Variants in FMO4 observed in about 807,000 individuals in gnomAD.
FMO4 encodes the protein flavin containing dimethylaniline monoxygenase 4, also known as dimethylaniline monooxygenase [N-oxide-forming] 4.
A neutral mutation model predicts 43.3 loss-of-function variants in FMO4; 38 were observed. That is an observed-to-expected ratio of 0.88 (90% confidence interval 0.68 to 1.15). The LOEUF is 1.15. Among genes scored for constraint, FMO4 ranks in the 50% most tolerant of loss-of-function variants. The pLI, the probability that FMO4 is intolerant of heterozygous loss-of-function variation, is 0.00. For missense variants in FMO4, 631 were observed against 663.3 expected (o/e 0.95, Z 0.54); for synonymous variants, 224 against 232.2 (o/e 0.96, Z 0.32).
At chr1:171,322,914 C>T (rs1008236115) in intron 3 of FMO4, 90 bp from the exon 4 acceptor site, 19 of 884,186 alleles carry the variant, frequency 2.1e-5, no homozygotes, top group South Asian at 1.9e-4. Context: ...TATAACCCGC[C>T]CTCAGTGAGG....
intron 6 of FMO4, 73 bp from the exon 7 acceptor site, chr1:171,332,636 G>A: frequency 7.8e-7 from 1 of 1,282,592 alleles, no homozygotes; most frequent in Admixed American, 1.8e-5. Flanking sequence ...AAGATCATTT[G>A]AAACACACTG....
At position 171,341,651 on chromosome 1, in the gene FMO4, T is replaced by G; in HGVS notation, c.1489T>G (p.Leu497Val). 1.2e-6 allele frequency: 2 copies of G among 1,613,904 alleles called. No homozygotes were observed. The highest frequency in any genetic ancestry group is 1.7e-6 in the Non-Finnish European group (2 of 1,179,968). Residue 497 changes from leucine (L) to valine (V), a missense_variant, in exon 10 of 10, where the codon TTA (leucine) becomes GTA (valine). By Grantham distance (32) the Leu-to-Val change is conservative. Coordinates refer to ENST00000367749, the MANE Select transcript of FMO4 (RefSeq NM_002022.3). ...CCAGTGGGACAGAACATTGAAACCT[T>G]TAAAAACTCGAATTGTCCCTGATTC... ...LTQWDRTLKP[L>V]KTRIVPDSSK... is the part of the protein sequence containing the mutation.
chr1:171,341,255 T>C (rs1663358585), intron 9 of FMO4, among the ~76,000 whole-genome samples, 158 bp from the exon 10 acceptor site: 1 of 152,222 alleles, frequency 6.6e-6, no homozygotes, highest in Non-Finnish European at 1.5e-5. Flanking sequence ...TAAACTCCTT[T>C]AATTTCTTTC....
In FMO4 at chr1:171,334,753, A is replaced by T; in HGVS notation, c.1170A>T (p.Arg390Ser). 1.3e-6 allele frequency: 2 copies of T among 1,556,646 alleles called. No individual in the cohort carries two copies. The highest frequency in any genetic ancestry group is 1.7e-6 in the Non-Finnish European group (2 of 1,155,524). The part of the protein sequence containing the change: ...GTELQARWVT[R>S]VFKGLCKIPP... The stretch of plus-strand genomic sequence containing the variant: ...AGCTCCAAGCACGATGGGTCACAAG[A>T]GTATTCAAAGGTACCATGACTCTAC... The change falls in exon 8 of 10, where the codon AGA becomes AGT. Residue 390 changes from arginine (R) to serine (S), a missense_variant. By Grantham distance (110) the Arg-to-Ser change is moderately radical. Transcript: ENST00000367749.
chr1:171,332,796 T>A lies in FMO4; in HGVS notation c.715T>A (p.Cys239Ser). Residue 239 changes from cysteine to serine, a missense_variant, in exon 7 of 10, where the codon TGC (cysteine) becomes AGC (serine). Transcript: ENST00000367749. ...YPYNMMVTRR[C>S]CSFIAQVLPS... is the part of the protein sequence containing the mutation. ...TTATAATATGATGGTTACAAGAAGA[T>A]GCTGTAGTTTTATTGCACAAGTTCT... The A allele has an allele frequency of 1.2e-6, 2 of 1,613,514 alleles. No individual in the cohort carries two copies. Among genetic ancestry groups the A allele is most frequent in the Non-Finnish European group, 1.7e-6 (2 of 1,179,528 alleles).
intron 1 of FMO4, among the ~76,000 whole-genome samples, chr1:171,315,379 G>C (rs138857041): frequency 1.3e-3 from 196 of 151,838 alleles, no homozygotes; most frequent in African/African-American, 3.9e-3. Context: ...TTGCACACAC[G>C]TTCTCCCAAT....
intron 9 of FMO4, among the ~76,000 whole-genome samples, chr1:171,340,387 T>C (rs1449573069): frequency 6.6e-6 from 1 of 152,170 alleles, no homozygotes; most frequent in African/African-American, 2.4e-5. Context: ...AATAAATTCC[T>C]AAACTCCCTC....
chr1:171,319,792 A>C (rs752805690), intron 2 of FMO4, 26 bp from the exon 3 acceptor site: 2 of 1,609,272 alleles, frequency 1.2e-6, no homozygotes, highest in Non-Finnish European at 1.7e-6. Context: ...TAAATAAAGA[A>C]GTTCTGCTTG....
chr1:171,334,369 T>C, intron 7 of FMO4, 42 bp from the exon 8 acceptor site: 1 of 1,275,268 alleles, frequency 7.8e-7, no homozygotes, highest in Non-Finnish European at 1.1e-6. Flanking sequence ...AAGTTTCTCA[T>C]AAAAATAACT....
At chr1:171,317,859 A>G (rs915573743) in intron 2 of FMO4, among the ~76,000 whole-genome samples, 1 of 152,194 alleles carries the variant, frequency 6.6e-6, no homozygotes, top group Non-Finnish European at 1.5e-5. Context: ...AATGCTTTGA[A>G]TCAAAACCAA....
At chr1:171,341,284 A>T in intron 9 of FMO4, 129 bp from the exon 10 acceptor site, 1 of 659,096 alleles carries the variant, frequency 1.5e-6, no homozygotes, top group Non-Finnish European at 2.6e-6. Context: ...ATACAAAAAC[A>T]TTCCCAAATA....
At chr1:171,317,820 A>T (rs1249099830) in intron 2 of FMO4, among the ~76,000 whole-genome samples, 1 of 152,170 alleles carries the variant, frequency 6.6e-6, no homozygotes, top group Admixed American at 6.5e-5. Context: ...GCAAGGCATG[A>T]CCGTGACCAG....
rs375299942 is a variant in FMO4 at position 171,341,649 on chromosome 1, C to A, written c.1487C>A (p.Pro496His). The A allele has an allele frequency of 1.6e-5, 26 of 1,613,788 alleles. No individual in the cohort carries two copies. Among genetic ancestry groups the A allele is most frequent in the Middle Eastern group, 3.3e-4 (2 of 6,080 alleles). ...ACCCAGTGGGACAGAACATTGAAAC[C>A]TTTAAAAACTCGAATTGTCCCTGAT... The part of the protein sequence containing the change: ...ILTQWDRTLK[P>H]LKTRIVPDSS... Residue 496 changes from proline (P) to histidine (H), a missense_variant, in exon 10 of 10, where the codon CCT becomes CAT. Transcript: ENST00000367749.
At chr1:171,335,287 ACCC>A (rs1663074442) in intron 8 of FMO4, among the ~76,000 whole-genome samples, 1 of 152,120 alleles carries the variant, frequency 6.6e-6, no homozygotes, top group African/African-American at 2.4e-5. Context: ...CTTTGCAAGA[ACCC>A]CTCTAAATCT....
Position 171,342,024 on chromosome 1 carries a change from T to C in FMO4, c.*185T>C, listed in dbSNP as rs963976387. ...CCCTCTTTCTTGCCACCCTTTCCAATGCATCTTCTACCCTGCTACCTCAGT... is the reference window on the plus strand; with the variant it reads ...CCCTCTTTCTTGCCACCCTTTCCAACGCATCTTCTACCCTGCTACCTCAGT... On this transcript the variant is annotated 3_prime_UTR_variant, in exon 10 of 10. Coordinates refer to ENST00000367749, the MANE Select transcript of FMO4 (RefSeq NM_002022.3). 3.1e-5 allele frequency: 18 copies of C among 577,830 alleles called. No individual in the cohort carries two copies. Among genetic ancestry groups the C allele is most frequent in the Non-Finnish European group, 6.1e-6 (2 of 327,656 alleles). 35.8% of individuals were successfully genotyped at this position (577,830 alleles called of 1,614,324 possible). A position where few individuals can be genotyped will look rare whatever the true frequency, so the allele number is the denominator to read the frequency against.
chr1:171,317,945 T>C (rs1409362721), intron 2 of FMO4, among the ~76,000 whole-genome samples: 1 of 152,174 alleles, frequency 6.6e-6, no homozygotes, highest in Non-Finnish European at 1.5e-5. Context: ...TGACAAATTC[T>C]AGCATCCCAA....
intron 7 of FMO4, chr1:171,333,178 T>G (rs1472449772): frequency 3.8e-6 from 1 of 263,434 alleles, no homozygotes; most frequent in African/African-American, 2.4e-5. Context: ...TCACATATTT[T>G]TGTTGTTGTT....
intron 5 of FMO4, among the ~76,000 whole-genome samples, chr1:171,329,424 G>A (rs898633301): frequency 2.0e-5 from 3 of 152,176 alleles, no homozygotes; most frequent in African/African-American, 2.4e-5. Context: ...GCCTCATCGT[G>A]TGTTCAAATT....
At chr1:171,341,157 AAG>A (rs1175968146) in intron 9 of FMO4, among the ~76,000 whole-genome samples, 2 of 152,176 alleles carry the variant, frequency 1.3e-5, no homozygotes, top group Non-Finnish European at 2.9e-5. Context: ...GGAAAAAAAA[AAG>A]TTTCTCTTCC....
Sources: gnomAD v4.1 joint callset for allele counts (sites outside exome capture counted in the v4.1 genomes callset) on GRCh38, gnomAD v4.1.1 for gene constraint, MANE v1.5 for transcripts, NCBI Gene and HGNC (gene_info 2026-07-23, HGNC 2026-07-21) for gene names.